MED27: variants seen among roughly 807,000 people sequenced by gnomAD.
The protein encoded by MED27 is mediator of RNA polymerase II transcription subunit 27.
A neutral mutation model predicts 38.2 loss-of-function variants in MED27; 30 were observed. The ratio of observed to expected loss-of-function variants is 0.79; its 90% CI spans 0.59 to 1.07. MED27 has a LOEUF of 1.07. Ranked by LOEUF, MED27 falls within the 50% of genes least tolerant of loss-of-function variation. The pLI is 0.00. For synonymous variants in MED27, 122 were observed against 153.5 expected, an observed-to-expected ratio of 0.79 and a Z score of 1.52; for missense variants, 289 against 397.5, an observed-to-expected ratio of 0.73 and a Z score of 2.32.
In MED27 at chr9:131,862,289, A is replaced by C. The variant is rs17148365; in HGVS notation, c.801+774T>G. Among the ~76,000 whole-genome samples the C allele has an allele frequency of 0.041, 6,221 of 152,262 alleles. 218 individuals are homozygous for C. Among genetic ancestry groups the C allele is most frequent in the African/African-American group, 0.092 (3,814 of 41,522 alleles). ...ACCGGCAGACTTTCTAGCATGAAGA[A>C]AACAGGGAGTCCCAGCAGCGGTGGA... On this transcript the variant is annotated intron_variant, in intron 7 of 7. Coordinates refer to ENST00000292035, the MANE Select transcript of MED27 (RefSeq NM_004269.4). The surrounding 1 kb of genome is among the most constrained non-coding windows in gnomAD (Gnocchi z 4.6).
intron 3 of MED27, among the ~76,000 whole-genome samples, chr9:131,974,748 A>G (rs1252608469): frequency 6.6e-6 from 1 of 152,200 alleles, no homozygotes; most frequent in Non-Finnish European, 1.5e-5. Context: ...CTTTGACTGT[A>G]AACTTTCCTC....
chr9:132,026,037 G>A (rs1261101419), intron 2 of MED27, among the ~76,000 whole-genome samples: 5 of 152,268 alleles, frequency 3.3e-5, no homozygotes, highest in South Asian at 4.2e-4. Flanking sequence ...AGCCTAATAC[G>A]AGAAGGGCTA....
At chr9:131,985,585 T>C (rs957769748) in intron 3 of MED27, among the ~76,000 whole-genome samples, 7 of 152,230 alleles carry the variant, frequency 4.6e-5, no homozygotes. Context: ...CCTACTGCAC[T>C]GCCTGTCACA....
At chr9:131,991,196 C>CA (rs60036287) in intron 3 of MED27, among the ~76,000 whole-genome samples, 2,946 of 152,178 alleles carry the variant, frequency 0.019, 91 homozygotes, top group African/African-American at 0.067. Flanking sequence ...AGCTGCGTTT[C>CA]AAAAAATGCA....
intron 4 of MED27, among the ~76,000 whole-genome samples, chr9:131,894,618 C>T (rs936961210): frequency 4.3e-5 from 6 of 140,170 alleles, no homozygotes; most frequent in African/African-American, 1.6e-4. Context: ...ACATATTATA[C>T]ATTAAAAAAA....
chr9:131,967,320 A>T (rs1192951989), intron 3 of MED27, among the ~76,000 whole-genome samples: 1 of 152,196 alleles, frequency 6.6e-6, no homozygotes, highest in Non-Finnish European at 1.5e-5. Flanking sequence ...ATCCCCCATG[A>T]CACCACCACT....
intron 2 of MED27, among the ~76,000 whole-genome samples, chr9:132,027,820 C>T (rs1279200168): frequency 6.6e-6 from 1 of 152,200 alleles, no homozygotes; most frequent in Non-Finnish European, 1.5e-5. Context: ...TGCTACTTTT[C>T]TATAATATAA....
intron 2 of MED27, among the ~76,000 whole-genome samples, chr9:132,064,173 T>C (rs2131154583): frequency 6.6e-6 from 1 of 152,302 alleles, no homozygotes; most frequent in East Asian, 1.9e-4. Flanking sequence ...GCAAGGTAGA[T>C]AAATCTTGCT....
intron 2 of MED27, among the ~76,000 whole-genome samples, chr9:132,066,356 C>A (rs1249384155): frequency 6.6e-6 from 1 of 152,232 alleles, no homozygotes; most frequent in Non-Finnish European, 1.5e-5. Flanking sequence ...TGCAGCTGAC[C>A]CAGGGTGCAT....
At chr9:132,039,014 G>A (rs1407858408) in intron 2 of MED27, among the ~76,000 whole-genome samples, 1 of 152,198 alleles carries the variant, frequency 6.6e-6, no homozygotes, top group Admixed American at 6.5e-5. Flanking sequence ...GGTCAACCTG[G>A]TTTCATTATG....
chr9:131,990,013 T>C (rs1486370977), intron 3 of MED27, among the ~76,000 whole-genome samples: 2 of 152,162 alleles, frequency 1.3e-5, no homozygotes, highest in Non-Finnish European at 2.9e-5. Context: ...ACTACCCTCC[T>C]ATACTGCAGC....
chr9:131,925,982 A>C (rs887351754), intron 4 of MED27, among the ~76,000 whole-genome samples: 8 of 152,238 alleles, frequency 5.3e-5, no homozygotes, highest in Non-Finnish European at 1.0e-4. Context: ...TGACAGGGAC[A>C]CCTCACTAAG....
chr9:132,056,732 G>T (rs1383723261), intron 2 of MED27, among the ~76,000 whole-genome samples: 1 of 152,210 alleles, frequency 6.6e-6, no homozygotes, highest in African/African-American at 2.4e-5. Context: ...ACACCTTGCA[G>T]AGGATGACTC....
chr9:132,074,345 ATAAT>A (rs1258293570), intron 2 of MED27, among the ~76,000 whole-genome samples: 1 of 152,252 alleles, frequency 6.6e-6, no homozygotes, highest in Non-Finnish European at 1.5e-5. Context: ...CCTAAAGAAA[ATAAT>A]TAGTCATTAG....
intron 3 of MED27, among the ~76,000 whole-genome samples, chr9:131,990,057 C>G (rs1831937894): frequency 6.6e-6 from 1 of 152,138 alleles, no homozygotes; most frequent in Admixed American, 6.5e-5. Context: ...CTATGGTTCC[C>G]CCGCACACAG....
At chr9:131,875,682 T>C (rs1838918476) in intron 6 of MED27, among the ~76,000 whole-genome samples, 1 of 152,322 alleles carries the variant, frequency 6.6e-6, no homozygotes, top group South Asian at 2.1e-4. Context: ...GCTACTCTCA[T>C]GGCTCACTGC....
At chr9:132,069,033 G>A (rs925302396) in intron 2 of MED27, among the ~76,000 whole-genome samples, 2 of 152,212 alleles carry the variant, frequency 1.3e-5, no homozygotes, top group African/African-American at 4.8e-5. Context: ...TTTTGCATAA[G>A]GACAAATGAC....
chr9:132,071,870 A>G (rs1400293031), intron 2 of MED27, among the ~76,000 whole-genome samples: 1 of 151,794 alleles, frequency 6.6e-6, no homozygotes, highest in Non-Finnish European at 1.5e-5. Flanking sequence ...ACACACACAC[A>G]CGCATAACAC....
chr9:132,034,502 A>T (rs1833030731), intron 2 of MED27, among the ~76,000 whole-genome samples: 1 of 152,204 alleles, frequency 6.6e-6, no homozygotes, highest in Non-Finnish European at 1.5e-5. Flanking sequence ...AACTTAAGAA[A>T]TGTTCTGGAA....
Sources: allele counts gnomAD v4.1 joint callset (sites outside exome capture counted in the v4.1 genomes callset), GRCh38; gene constraint gnomAD v4.1.1; non-coding constraint Gnocchi (gnomAD v3.1); transcripts MANE v1.5; gene names NCBI Gene and HGNC (gene_info 2026-07-23, HGNC 2026-07-21).